The following SCRN3 variants were observed in gnomAD, a reference collection of about 807,000 sequenced individuals.
SCRN3 encodes secernin 3, also known as secernin-3.
In SCRN3, 39 loss-of-function variants were observed where a neutral mutation model predicts 43.1. That is an observed-to-expected ratio of 0.91 (90% CI 0.70 to 1.18). SCRN3 has a LOEUF of 1.18. Among genes scored for constraint, SCRN3 ranks in the 50% most tolerant of loss-of-function variants. The pLI is 0.00. For missense variants in SCRN3, 484 were observed against 498.0 expected (o/e 0.97, Z 0.27); for synonymous variants, 147 against 163.1 (o/e 0.90, Z 0.75).
intron 7 of SCRN3, among the ~76,000 whole-genome samples, chr2:174,424,871 A>C (rs999390555): frequency 6.6e-6 from 1 of 152,222 alleles, no homozygotes; most frequent in Non-Finnish European, 1.5e-5. Flanking sequence ...CATAATAATA[A>C]TAGCTAACAT....
At chr2:174,415,821 T>G (rs1686085730) in intron 5 of SCRN3, among the ~76,000 whole-genome samples, 1 of 152,110 alleles carries the variant, frequency 6.6e-6, no homozygotes, top group African/African-American at 2.4e-5. Context: ...ATTTTTGTAT[T>G]TTTTGTAGAG....
intron 2 of SCRN3, 56 bp from the exon 3 acceptor site, chr2:174,399,866 A>G: frequency 8.1e-7 from 1 of 1,239,856 alleles, no homozygotes; most frequent in Non-Finnish European, 1.0e-6. Flanking sequence ...CTGGATTTTG[A>G]TAACTTTTCT....
intron 7 of SCRN3, among the ~76,000 whole-genome samples, chr2:174,426,209 TC>T (rs2105634273): frequency 6.6e-6 from 1 of 152,328 alleles, no homozygotes; most frequent in East Asian, 1.9e-4. Flanking sequence ...AAATATAACT[TC>T]TAGCATATAT....
chr2:174,397,633 A>G (rs1185995506), intron 1 of SCRN3, among the ~76,000 whole-genome samples: 2 of 152,124 alleles, frequency 1.3e-5, no homozygotes, highest in African/African-American at 4.8e-5. Flanking sequence ...ATTTTTTTCC[A>G]TAAGACAAGT....
At chr2:174,411,516 A>G (rs1685915264) in intron 5 of SCRN3, among the ~76,000 whole-genome samples, 3 of 152,228 alleles carry the variant, frequency 2.0e-5, no homozygotes, top group Non-Finnish European at 2.9e-5. Flanking sequence ...ATTTGTTATT[A>G]TAATTTTAAT....
chr2:174,401,946 C>T (rs1367085575), intron 4 of SCRN3, among the ~76,000 whole-genome samples: 1 of 152,082 alleles, frequency 6.6e-6, no homozygotes, highest in Non-Finnish European at 1.5e-5. Flanking sequence ...GATACAGACA[C>T]ATAGATGATT....
At chr2:174,405,544 C>A (rs1184233312) in intron 5 of SCRN3, among the ~76,000 whole-genome samples, 3 of 135,740 alleles carry the variant, frequency 2.2e-5, no homozygotes, top group Non-Finnish European at 5.0e-5. Context: ...TGCCTATGTC[C>A]TGAATGGTAA....
intron 5 of SCRN3, among the ~76,000 whole-genome samples, chr2:174,406,597 G>T (rs1685702627): frequency 6.6e-6 from 1 of 150,840 alleles, no homozygotes; most frequent in East Asian, 2.0e-4. Context: ...CTGTGGGTTT[G>T]TCAGAGATAG....
intron 5 of SCRN3, chr2:174,410,273 C>T (rs527640224): frequency 1.3e-5 from 2 of 150,790 alleles, no homozygotes; most frequent in South Asian, 4.2e-4. Context: ...ACTCCCTGAC[C>T]CCTTGCGCTT....
At chr2:174,409,288 G>C (rs960532492) in intron 5 of SCRN3, among the ~76,000 whole-genome samples, 2 of 139,996 alleles carry the variant, frequency 1.4e-5, no homozygotes, top group Non-Finnish European at 3.2e-5. Context: ...CGTAGTTCTC[G>C]AGCCTTGGTT....
At position 174,404,111 on chromosome 2, in the gene SCRN3, C is replaced by G; in HGVS notation, c.550C>G (p.Arg184Gly). The change falls in exon 5 of 8, where the codon CGT becomes GGT. Residue 184 changes from arginine (R) to glycine (G), a missense_variant. Arg to Gly is a moderately radical substitution (Grantham distance 125). Coordinates refer to ENST00000272732, the MANE Select transcript of SCRN3 (RefSeq NM_024583.5). ...WAAEKVQEGV[R>G]NISNQLSITT... ...TTCTTCTTTGAAAATAGAGGGAGTT[C>G]GTAATATTTCTAATCAACTTTCCAT... 6.2e-7 allele frequency: 1 copy of G among 1,612,324 alleles called. No individual in the cohort carries two copies. Among genetic ancestry groups the G allele is most frequent in the South Asian group, 1.1e-5 (1 of 90,974 alleles).
chr2:174,404,487 G>C (rs1287386506), intron 5 of SCRN3, among the ~76,000 whole-genome samples, 172 bp downstream of exon 5: 1 of 150,072 alleles, frequency 6.7e-6, no homozygotes, highest in Non-Finnish European at 1.5e-5. Flanking sequence ...TTAAGTTTTA[G>C]GGTACATGTG....
At chr2:174,396,007 C>T in intron 1 of SCRN3, 190 bp downstream of exon 1, 1 of 1,352,476 alleles carries the variant, frequency 7.4e-7, no homozygotes, top group Non-Finnish European at 9.5e-7. Context: ...AAGCTCGAGC[C>T]CATTACTTTC....
chr2:174,412,124 C>CAA (rs34285450), intron 5 of SCRN3, among the ~76,000 whole-genome samples: 26 of 144,974 alleles, frequency 1.8e-4, no homozygotes, highest in Middle Eastern at 3.5e-3. Context: ...GTTAGCAGGG[C>CAA]AAAAAAAAAA....
At chr2:174,422,841 G>A (rs771087793) in intron 5 of SCRN3, 44 bp from the exon 6 acceptor site, 45 of 1,287,014 alleles carry the variant, frequency 3.5e-5, no homozygotes, top group Admixed American at 5.4e-5. Flanking sequence ...CAAGGCATCC[G>A]TATATGCATA....
chr2:174,423,462 T>C (rs1281746544), intron 6 of SCRN3, among the ~76,000 whole-genome samples: 2 of 152,174 alleles, frequency 1.3e-5, no homozygotes, highest in Non-Finnish European at 2.9e-5. Flanking sequence ...GTTCCAGTTT[T>C]ATTTAATTAT....
chr2:174,413,227 T>C (rs968365600), intron 5 of SCRN3, among the ~76,000 whole-genome samples: 3 of 152,108 alleles, frequency 2.0e-5, no homozygotes, highest in Non-Finnish European at 4.4e-5. Flanking sequence ...TGTAAACAAC[T>C]GACATGGGAA....
chr2:174,413,065 T>C (rs1685981759), intron 5 of SCRN3, among the ~76,000 whole-genome samples: 1 of 151,268 alleles, frequency 6.6e-6, no homozygotes, highest in South Asian at 2.1e-4. Context: ...AGAGATGGGG[T>C]TTCTCCATGT....
chr2:174,412,398 G>A (rs1685953111), intron 5 of SCRN3, among the ~76,000 whole-genome samples: 1 of 151,834 alleles, frequency 6.6e-6, no homozygotes, highest in Non-Finnish European at 1.5e-5. Context: ...CAGCTCCCAG[G>A]CAAACTCCAG....
Sources: allele counts gnomAD v4.1 joint callset (sites outside exome capture counted in the v4.1 genomes callset), GRCh38; gene constraint gnomAD v4.1.1; transcripts MANE v1.5; gene names NCBI Gene and HGNC (gene_info 2026-07-23, HGNC 2026-07-21).